The following SYNM variants were observed in gnomAD, a reference collection of about 807,000 sequenced individuals.
The protein encoded by SYNM is desmuslin.
SYNM carries 95 observed loss-of-function variants against 104.0 expected under a neutral mutation model. The observed-to-expected ratio is 0.91, with a 90% CI of 0.77 to 1.08. The LOEUF (loss-of-function observed/expected upper bound fraction) is 1.08. SYNM is among the 50% of genes least tolerant of loss of function. The probability of loss-of-function intolerance (pLI) is 0.00; values close to 1 mark genes in which losing one functional copy is unlikely to be tolerated. For missense variants in SYNM, 2,150 were observed against 2,052.2 expected (o/e 1.05, Z -0.92); for synonymous variants, 918 against 869.0 (o/e 1.06, Z -0.99).
chr15:99,114,632 C>T (rs1442033082), intron 2 of SYNM, among the ~76,000 whole-genome samples: 1 of 152,090 alleles, frequency 6.6e-6, no homozygotes, highest in African/African-American at 2.4e-5. Context: ...AAGATGTTGA[C>T]TTGAGTTCAA....
chr15:99,105,810 ACGAGGTGCG>A lies in SYNM; in HGVS notation c.616_624del (p.Val206_Glu208del). 7 of 1,541,098 alleles carry A rather than the reference ACGAGGTGCG, an allele frequency of 4.5e-6. No individual in the cohort carries two copies. Among genetic ancestry groups the A allele is most frequent in the Non-Finnish European group, 6.1e-6 (7 of 1,145,122 alleles). Reference sequence around the variant, plus strand: ...CGGGAGACGGTGCAGCTGTACGAGGACGAGGTGCGCGAGCTGGAGGAGGCGCTGCGGCGC... The same window carrying A: ...CGGGAGACGGTGCAGCTGTACGAGGACGAGCTGGAGGAGGCGCTGCGGCGC... On this transcript the variant is annotated inframe_deletion, in exon 1 of 4. Transcript: ENST00000336292.
In SYNM at chr15:99,131,726, G is replaced by A; in HGVS notation, c.3366G>A (p.Gln1122=). Residue 1122 remains glutamine, a synonymous_variant, in exon 4 of 4, where the codon CAG becomes CAA. Transcript: ENST00000336292. The surrounding 1 kb of genome is among the most constrained non-coding windows in gnomAD (Gnocchi z 4.3). ...CACAGGTGCTGGAGGATGTGAGCCA[G>A]GCTGCAAGGCACATAAAACTCGGCC... is the stretch of plus-strand genomic sequence containing the variant. The part of the protein sequence containing the change: ...AQSQVLEDVS[Q]AARHIKLGPS... 6.2e-7 allele frequency: 1 copy of A among 1,613,878 alleles called. No homozygotes were observed. Among genetic ancestry groups the A allele is most frequent in the Non-Finnish European group, 8.5e-7 (1 of 1,179,910 alleles).
rs373433711 is a variant in SYNM, at chr15:99,132,619, G to A, written c.4259G>A (p.Arg1420His). ...ETETSEHIAI[R>H]GPVSRTFVLA... ...GAAACCTCTGAACACATTGCCATCC[G>A]TGGACCCGTGTCCAGAACATTTGTG... The change falls in exon 4 of 4, where the codon CGT becomes CAT. Residue 1420 changes from arginine to histidine, a missense_variant. By Grantham distance (29) the Arg-to-His change is conservative. Transcript: ENST00000336292. 9.9e-6 allele frequency: 16 copies of A among 1,613,874 alleles called. No homozygotes were observed. The highest frequency in any genetic ancestry group is 4.0e-5 in the African/African-American group (3 of 74,916).
chr15:99,108,858 T>C (rs189270930), intron 1 of SYNM, among the ~76,000 whole-genome samples: 1 of 152,382 alleles, frequency 6.6e-6, no homozygotes, highest in East Asian at 1.9e-4. Flanking sequence ...CATAGCATAA[T>C]GATAATTGCT....
At chr15:99,137,197 T>G (rs1391842642), downstream of SYNM, 1 of 152,326 alleles carries the variant, frequency 6.6e-6, no homozygotes, top group Non-Finnish European at 1.5e-5. Context: ...TGTTCGACTT[T>G]GCCATCCTCA....
intron 2 of SYNM, among the ~76,000 whole-genome samples, chr15:99,117,764 G>A (rs982925786): frequency 2.0e-5 from 3 of 151,634 alleles, no homozygotes; most frequent in Non-Finnish European, 2.9e-5. Context: ...CAAGCCACGG[G>A]GCCTGCCTTT....
In SYNM at chr15:99,113,608, G is replaced by A. The variant is rs2067319618; in HGVS notation, c.828G>A (p.Leu276=). Reference sequence around the variant, plus strand: ...CTCTTTAGAGAGTGATTGACTGCCTGGAGGATGAGAAGGCAACCCTCACCT... The same window carrying A: ...CTCTTTAGAGAGTGATTGACTGCCTAGAGGATGAGAAGGCAACCCTCACCT... ...AEERQRVIDC[L]EDEKATLTLA... The change falls in exon 2 of 4, where the codon CTG becomes CTA. Residue 276 remains leucine, a synonymous_variant. Transcript: ENST00000336292. 1 of 1,613,342 alleles carries A rather than the reference G, an allele frequency of 6.2e-7. No individual in the cohort carries two copies. The highest frequency in any genetic ancestry group is 1.7e-5 in the Admixed American group (1 of 59,928).
chr15:99,105,162 G>T lies in SYNM; in HGVS notation c.-38G>T. ...ACCGGGACAAGACCAGGGCAGGAGG[G>T]AGCCGGCCAGCCGCGAGAACCCCGC... On this transcript the variant is annotated 5_prime_UTR_variant, in exon 1 of 4. Coordinates refer to ENST00000336292, the MANE Select transcript of SYNM (RefSeq NM_145728.3). 1 of 1,555,380 alleles carries T rather than the reference G, an allele frequency of 6.4e-7. No homozygotes were observed. Among genetic ancestry groups the T allele is most frequent in the Non-Finnish European group, 8.6e-7 (1 of 1,156,504 alleles).
In SYNM at chr15:99,131,718, G is replaced by A; in HGVS notation, c.3358G>A (p.Val1120Met). The A allele has an allele frequency of 6.2e-7, 1 of 1,613,746 alleles. No homozygotes were observed. Among genetic ancestry groups the A allele is most frequent in the Non-Finnish European group, 8.5e-7 (1 of 1,179,884 alleles). Residue 1120 changes from valine to methionine, a missense_variant, in exon 4 of 4, where the codon GTG becomes ATG. Physicochemically the swap from Val to Met is conservative, Grantham distance 21. Transcript: ENST00000336292. The surrounding 1 kb of genome is among the most constrained non-coding windows in gnomAD (Gnocchi z 4.3). ...GFAQSQVLED[V>M]SQAARHIKLG... ...TGCCCAGTCACAGGTGCTGGAGGAT[G>A]TGAGCCAGGCTGCAAGGCACATAAA...
At chr15:99,108,013 T>C (rs1316001497) in intron 1 of SYNM, among the ~76,000 whole-genome samples, 1 of 151,508 alleles carries the variant, frequency 6.6e-6, no homozygotes, top group Non-Finnish European at 1.5e-5. Context: ...TCTTGCTCTG[T>C]CGCCCAGGCT....
Position 99,131,894 on chromosome 15 carries a change from C to T in SYNM, c.3534C>T (p.Pro1178=), listed in dbSNP as rs202216532. Residue 1178 remains proline (P), a synonymous_variant, in exon 4 of 4, where the codon CCC becomes CCT. Transcript: ENST00000336292. The surrounding 1 kb of genome is among the most constrained non-coding windows in gnomAD (Gnocchi z 4.3). The stretch of plus-strand genomic sequence containing the variant: ...CTGTGAGGCATGTCACGCTGGGTCC[C>T]GGTCAAAGTCCACTGTCCAGAGAAG... The part of the protein sequence containing the change: ...SRSVRHVTLG[P]GQSPLSREVI... 8.6e-5 allele frequency: 139 copies of T among 1,613,920 alleles called. No individual in the cohort carries two copies. Among genetic ancestry groups the T allele is most frequent in the African/African-American group, 6.4e-4 (48 of 75,062 alleles).
intron 1 of SYNM, among the ~76,000 whole-genome samples, chr15:99,108,786 C>T (rs1484957982): frequency 2.6e-5 from 4 of 152,254 alleles, no homozygotes; most frequent in South Asian, 2.1e-4. Context: ...GACCGCTGGG[C>T]GTCCGTTTCT....
In SYNM at chr15:99,130,313, T is replaced by C. The variant is rs1670227; in HGVS notation, c.1953T>C (p.Thr651=). ...NIVTSILKQF[T]QSPETEASAD... ...TTACCAGTATCCTGAAGCAGTTCAC[T>C]CAGTCTCCAGAGACAGAAGCATCTG... The change falls in exon 4 of 4, where the codon ACT becomes ACC. Residue 651 remains threonine (T), a synonymous_variant. Coordinates refer to ENST00000336292, the MANE Select transcript of SYNM (RefSeq NM_145728.3). 0.24 allele frequency: 391,868 copies of C among 1,613,262 alleles called. 50,840 individuals are homozygous for C. Among genetic ancestry groups the C allele is most frequent in the African/African-American group, 0.49 (36,509 of 74,886 alleles).
chr15:99,136,837 T>TG (rs1225342043), downstream of SYNM: 2 of 152,252 alleles, frequency 1.3e-5, no homozygotes, highest in African/African-American at 4.8e-5. Context: ...GCATGGTCTG[T>TG]GGGGTCAGCT....
At chr15:99,139,437 G>A (rs111331374), downstream of SYNM, 498 of 1,613,682 alleles carry the variant, frequency 3.1e-4, no homozygotes, top group African/African-American at 5.7e-3. Flanking sequence ...GGCTATGGAA[G>A]TGTCGCTGAG....
At position 99,131,338 on chromosome 15, in the gene SYNM, G is replaced by A. The variant is rs2151810650; in HGVS notation, c.2978G>A (p.Gly993Asp). The A allele has an allele frequency of 1.9e-6, 3 of 1,613,426 alleles. No individual in the cohort carries two copies. The highest frequency in any genetic ancestry group is 1.7e-5 in the Admixed American group (1 of 59,948). The change falls in exon 4 of 4, where the codon GGT (glycine) becomes GAT (aspartate). Residue 993 changes from glycine (G) to aspartate (D), a missense_variant. Coordinates refer to ENST00000336292, the MANE Select transcript of SYNM (RefSeq NM_145728.3). This position sits in a 1 kb window ranked among gnomAD's most constrained non-coding sequence, Gnocchi z 4.3. ...GATGTCAAGAAGGTCCAGGGTGCTGGTGGCAGTTCCGTGACCCTGGTTGCT... is the reference window on the plus strand; with the variant it reads ...GATGTCAAGAAGGTCCAGGGTGCTGATGGCAGTTCCGTGACCCTGGTTGCT... The part of the protein sequence containing the change: ...SVDVKKVQGA[G>D]GSSVTLVAEV...
At chr15:99,125,572 T>C (rs2067439652) in intron 2 of SYNM, among the ~76,000 whole-genome samples, 1 of 152,266 alleles carries the variant, frequency 6.6e-6, no homozygotes, top group Admixed American at 6.5e-5. Context: ...CACAGGGCTC[T>C]CGTGTTCATG....
rs538941343 is a variant in SYNM, at chr15:99,128,266, C to T, written c.1007-1101C>T. Among the ~76,000 whole-genome samples, 305 of 152,266 alleles carry T rather than the reference C, an allele frequency of 2.0e-3. 1 individual carries two copies. Among genetic ancestry groups the T allele is most frequent in the African/African-American group, 7.1e-3 (293 of 41,552 alleles). ...TGCTTGTGTTTCTTTTATAATATTG[C>T]ATAAAATAATGTTGGCCGCTTGCCC... On this transcript the variant is annotated intron_variant, in intron 3 of 3. Transcript: ENST00000336292.
At chr15:99,119,844 A>G (rs1555484341) in intron 2 of SYNM, among the ~76,000 whole-genome samples, 3 of 152,228 alleles carry the variant, frequency 2.0e-5, no homozygotes. Context: ...CGAATGCTCC[A>G]TTTGAGTTCT....
Sources: gnomAD v4.1 joint callset for allele counts (sites outside exome capture counted in the v4.1 genomes callset) on GRCh38, gnomAD v4.1.1 for gene constraint, Gnocchi (gnomAD v3.1) non-coding constraint, MANE v1.5 for transcripts, NCBI Gene and HGNC (gene_info 2026-07-23, HGNC 2026-07-21) for gene names.